HMGCLL1: variants seen among roughly 807,000 people sequenced by gnomAD.
HMGCLL1 encodes 3-hydroxymethyl-3-methylglutaryl-CoA lyase, cytoplasmic.
In HMGCLL1, 36 loss-of-function variants were observed where a neutral mutation model predicts 39.1. The observed-to-expected ratio is 0.92, with a 90% CI of 0.71 to 1.22. The LOEUF (loss-of-function observed/expected upper bound fraction) is 1.22. HMGCLL1 is among the 50% of genes most tolerant of loss of function. HMGCLL1 has a pLI of 0.00. For missense variants in HMGCLL1, 451 were observed against 416.5 expected, an observed-to-expected ratio of 1.08 and a Z score of -0.72; for synonymous variants, 149 against 144.0, an observed-to-expected ratio of 1.03 and a Z score of -0.25.
chr6:55,477,368 AATATAAT>A (rs1253077803), intron 7 of HMGCLL1, among the ~76,000 whole-genome samples: 1 of 23,966 alleles, frequency 4.2e-5, no homozygotes, highest in Non-Finnish European at 7.4e-5. Context: ...ATATTATATT[AATATAAT>A]ATATATTATC....
intron 7 of HMGCLL1, among the ~76,000 whole-genome samples, chr6:55,465,681 AT>A (rs1213456667): frequency 6.6e-5 from 10 of 151,818 alleles, no homozygotes; most frequent in Non-Finnish European, 1.3e-4. Context: ...AGTTTTATCA[AT>A]TTTTTTCTGT....
At position 55,579,001 on chromosome 6, in the gene HMGCLL1, G is replaced by T. The variant is rs1433675878; in HGVS notation, c.55C>A (p.Arg19=). Reference sequence around the variant, plus strand: ...GAATCCCCGATCCAGAGATGCTCCCGGAGAAGCTGCTGGTAGCTGAGGCAG... The same window carrying T: ...GAATCCCCGATCCAGAGATGCTCCCTGAGAAGCTGCTGGTAGCTGAGGCAG... ...KHCLSYQQLL[R]EHLWIGDSVA... The change falls in exon 1 of 9, where the codon CGG becomes AGG. Residue 19 remains arginine (R), a synonymous_variant. Transcript: ENST00000274901. 1.2e-6 allele frequency: 2 copies of T among 1,613,634 alleles called. No homozygotes were observed. The highest frequency in any genetic ancestry group is 1.7e-5 in the Admixed American group (1 of 59,998).
At chr6:55,474,162 GA>G (rs1196381500) in intron 7 of HMGCLL1, among the ~76,000 whole-genome samples, 1 of 151,436 alleles carries the variant, frequency 6.6e-6, no homozygotes, top group Non-Finnish European at 1.5e-5. Context: ...ATTAATTTTG[GA>G]AAGCTGTCAA....
chr6:55,594,312 C>T, the HMGCLL1 span, among the ~76,000 whole-genome samples: 1 of 152,114 alleles, frequency 6.6e-6, no homozygotes, highest in African/African-American at 2.4e-5. Flanking sequence ...ACACATGTCC[C>T]AGTTTTCCTG....
the HMGCLL1 span, among the ~76,000 whole-genome samples, chr6:55,634,030 G>A: frequency 6.6e-6 from 1 of 150,870 alleles, no homozygotes; most frequent in Non-Finnish European, 1.5e-5. Context: ...CTATTTTTAT[G>A]GTCTATAATT....
the HMGCLL1 span, among the ~76,000 whole-genome samples, chr6:55,664,768 A>G: frequency 1.3e-5 from 2 of 151,670 alleles, no homozygotes; most frequent in Non-Finnish European, 3.0e-5. Flanking sequence ...AAACTTTGCT[A>G]GGGCTAAAGG....
At chr6:55,665,506 A>C in the HMGCLL1 span, among the ~76,000 whole-genome samples, 1 of 151,666 alleles carries the variant, frequency 6.6e-6, no homozygotes, top group Non-Finnish European at 1.5e-5. Context: ...CTAGGAAGAG[A>C]TTCCAATGCT....
At chr6:55,580,406 C>CTTTTT (rs145371462), upstream of HMGCLL1, among the ~76,000 whole-genome samples, 1,011 of 73,296 alleles carry the variant, frequency 0.014, 29 homozygotes, top group Non-Finnish European at 0.019. Flanking sequence ...TTTTTTCTTT[C>CTTTTT]TTTTTTTTTT....
chr6:55,526,134 G>A (rs944842022), intron 3 of HMGCLL1, among the ~76,000 whole-genome samples: 1 of 151,822 alleles, frequency 6.6e-6, no homozygotes, highest in Non-Finnish European at 1.5e-5. Context: ...AAGGTCTGGA[G>A]GACTCCAGAC....
chr6:55,547,772 A>G (rs1770074881), intron 1 of HMGCLL1, among the ~76,000 whole-genome samples: 1 of 152,036 alleles, frequency 6.6e-6, no homozygotes, highest in Non-Finnish European at 1.5e-5. Context: ...AAATATGCAC[A>G]TGGTGCATTT....
chr6:55,597,138 T>C, the HMGCLL1 span, among the ~76,000 whole-genome samples: 1 of 150,386 alleles, frequency 6.6e-6, no homozygotes, highest in African/African-American at 2.4e-5. Context: ...CCAGGATAAA[T>C]AATGTAAGAT....
chr6:55,576,981 CT>C (rs1771788782), intron 1 of HMGCLL1: 2 of 1,501,258 alleles, frequency 1.3e-6, no homozygotes, highest in Non-Finnish European at 1.8e-6. Context: ...CTAGAAAACA[CT>C]GGTACACAAA....
chr6:55,546,891 A>G (rs1478555867), intron 1 of HMGCLL1, among the ~76,000 whole-genome samples: 4 of 152,082 alleles, frequency 2.6e-5, no homozygotes, highest in African/African-American at 7.2e-5. Flanking sequence ...GTGTTTCAAA[A>G]GGCTATGTTT....
At chr6:55,589,423 A>G in the HMGCLL1 span, among the ~76,000 whole-genome samples, 1 of 152,212 alleles carries the variant, frequency 6.6e-6, no homozygotes, top group Non-Finnish European at 1.5e-5. Flanking sequence ...AGAGCTATTT[A>G]TGACAAACCC....
the HMGCLL1 span, among the ~76,000 whole-genome samples, chr6:55,594,443 C>G: frequency 6.6e-5 from 10 of 152,140 alleles, no homozygotes; most frequent in Non-Finnish European, 1.3e-4. Flanking sequence ...TGAGTTAAGT[C>G]AACCTTCACA....
chr6:55,451,506 C>T (rs377543546), intron 7 of HMGCLL1, among the ~76,000 whole-genome samples: 3 of 151,864 alleles, frequency 2.0e-5, no homozygotes, highest in African/African-American at 4.8e-5. Flanking sequence ...GCTGAGATCG[C>T]GCCATTGCAC....
rs900489223 is a variant in HMGCLL1, at chr6:55,439,444, C to T, written c.911G>A (p.Gly304Glu). 4 of 1,611,800 alleles carry T rather than the reference C, an allele frequency of 2.5e-6. No homozygotes were observed. Among genetic ancestry groups the T allele is most frequent in the Non-Finnish European group, 2.5e-6 (3 of 1,178,634 alleles). ...EDLIYMLNGL[G>E]LNTGVNLYKV... ...GTTAAAGTAACTTACTGTATTGAGC[C>T]CCAGGCCATTAAGCATATATATCAA... The change falls in exon 8 of 9, where the codon GGG (glycine) becomes GAG (glutamate). Residue 304 changes from glycine to glutamate, a missense_variant. By Grantham distance (98) the Gly-to-Glu change is moderately conservative. Coordinates refer to ENST00000274901, the MANE Select transcript of HMGCLL1 (RefSeq NM_001042406.2).
chr6:55,477,443 TATA>T (rs538182811), intron 7 of HMGCLL1, among the ~76,000 whole-genome samples: 5 of 53,134 alleles, frequency 9.4e-5, no homozygotes, highest in Non-Finnish European at 1.8e-4. Context: ...ATATATTATA[TATA>T]TAATATATTA....
intron 1 of HMGCLL1, among the ~76,000 whole-genome samples, chr6:55,573,733 C>A (rs1437877911): frequency 6.6e-6 from 1 of 151,892 alleles, no homozygotes; most frequent in Non-Finnish European, 1.5e-5. Flanking sequence ...GTAGGCCTAA[C>A]TGGAGAAGAT....
Sources: gnomAD v4.1 joint callset for allele counts (sites outside exome capture counted in the v4.1 genomes callset) on GRCh38, gnomAD v4.1.1 for gene constraint, MANE v1.5 for transcripts, NCBI Gene and HGNC (gene_info 2026-07-23, HGNC 2026-07-21) for gene names.